The following TEC variants were observed in gnomAD, a reference collection of about 807,000 sequenced individuals.
The protein encoded by TEC is tyrosine-protein kinase Tec.
In TEC, 72 loss-of-function variants were observed where a neutral mutation model predicts 93.0. The ratio of observed to expected loss-of-function variants is 0.77; its 90% CI spans 0.64 to 0.94. The LOEUF is 0.94. Ranked by LOEUF, TEC falls within the 40% of genes least tolerant of loss-of-function variation. The pLI is 0.00. For synonymous variants in TEC, 249 were observed against 247.7 expected (o/e 1.01, Z -0.05); for missense variants, 630 against 757.9 (o/e 0.83, Z 1.98).
At chr4:48,242,182 C>T (rs565607853) in intron 1 of TEC, among the ~76,000 whole-genome samples, 7 of 152,282 alleles carry the variant, frequency 4.6e-5, no homozygotes, top group African/African-American at 1.7e-4. Flanking sequence ...GGACCCACAA[C>T]AAAATAAATT....
At chr4:48,229,966 T>A (rs575170146) in intron 1 of TEC, among the ~76,000 whole-genome samples, 2 of 151,538 alleles carry the variant, frequency 1.3e-5, no homozygotes, top group Non-Finnish European at 2.9e-5. Context: ...TCCCAGCTAC[T>A]CGGGAGGCTG....
At chr4:48,245,789 T>C (rs1724036836) in intron 1 of TEC, among the ~76,000 whole-genome samples, 3 of 152,106 alleles carry the variant, frequency 2.0e-5, no homozygotes, top group Non-Finnish European at 4.4e-5. Flanking sequence ...TCTGGCTACA[T>C]TAAAATAGCT....
rs748025059 is a variant in TEC at position 48,171,350 on chromosome 4, T to C, written c.325+18A>G. On this transcript the variant is annotated intron_variant, in intron 4 of 17. Coordinates refer to ENST00000381501, the MANE Select transcript of TEC (RefSeq NM_003215.3). ...TCTCCTAAAATTATATACAGAGTAATATTTCATTGAGTTTTACCTTCTTTT... is the reference window on the plus strand; with the variant it reads ...TCTCCTAAAATTATATACAGAGTAACATTTCATTGAGTTTTACCTTCTTTT... The C allele has an allele frequency of 1.3e-6, 2 of 1,598,328 alleles. No individual in the cohort carries two copies. The highest frequency in any genetic ancestry group is 2.2e-5 in the East Asian group (1 of 44,758).
chr4:48,264,344 A>T (rs967972768), intron 1 of TEC, among the ~76,000 whole-genome samples: 2 of 152,170 alleles, frequency 1.3e-5, no homozygotes, highest in African/African-American at 4.8e-5. Flanking sequence ...TCTCTACCCC[A>T]GCAAAAAACC....
intron 1 of TEC, among the ~76,000 whole-genome samples, chr4:48,258,473 CA>C (rs1442341346): frequency 6.6e-6 from 1 of 152,090 alleles, no homozygotes; most frequent in East Asian, 1.9e-4. Flanking sequence ...TGCCATTTTG[CA>C]TAGACTTGAG....
At chr4:48,214,106 C>T (rs1191214154) in intron 2 of TEC, among the ~76,000 whole-genome samples, 2 of 152,038 alleles carry the variant, frequency 1.3e-5, no homozygotes, top group African/African-American at 4.8e-5. Context: ...TTACTACCAA[C>T]AAAAACTTTT....
At chr4:48,207,843 T>G (rs533724396) in intron 2 of TEC, among the ~76,000 whole-genome samples, 234 of 152,276 alleles carry the variant, frequency 1.5e-3, no homozygotes, top group Non-Finnish European at 2.7e-3. Context: ...CACAAGCTCT[T>G]AACTCCTTTC....
intron 7 of TEC, among the ~76,000 whole-genome samples, chr4:48,166,087 T>G (rs1720862432): frequency 6.6e-6 from 1 of 152,220 alleles, no homozygotes; most frequent in South Asian, 2.1e-4. Flanking sequence ...TTGTGCTGGC[T>G]GGCCATGTGC....
At chr4:48,141,607 G>A (rs1317805376) in intron 14 of TEC, 188 bp from the exon 15 acceptor site, 1 of 519,576 alleles carries the variant, frequency 1.9e-6, no homozygotes, top group African/African-American at 2.0e-5. Context: ...AAAATGAATA[G>A]GCAGGTCAGA....
At chr4:48,236,469 AGAC>A (rs1723788334) in intron 1 of TEC, among the ~76,000 whole-genome samples, 1 of 152,116 alleles carries the variant, frequency 6.6e-6, no homozygotes, top group Non-Finnish European at 1.5e-5. Context: ...TTTTTAGTAG[AGAC>A]AGGGTTTCAC....
Position 48,176,187 on chromosome 4 carries a change from C to T in TEC, c.139-1G>A, listed in dbSNP as rs1411156119. The T allele has an allele frequency of 6.3e-7, 1 of 1,597,314 alleles. No homozygotes were observed. The highest frequency in any genetic ancestry group is 1.1e-5 in the South Asian group (1 of 90,482). On this transcript the variant is annotated splice_acceptor_variant, in intron 2 of 17. Transcript: ENST00000381501. LOFTEE classifies it high-confidence loss of function. ...CAATAAACCCCTTTCTGTATTTCTT[C>T]TGTTAAAAGAAAAAAAGGAGAAACA...
At chr4:48,258,270 T>C (rs901851692) in intron 1 of TEC, among the ~76,000 whole-genome samples, 1 of 151,716 alleles carries the variant, frequency 6.6e-6, no homozygotes, top group African/African-American at 2.4e-5. Flanking sequence ...GCCTCCCGAG[T>C]AGCTGGCATT....
chr4:48,233,300 C>T (rs1368066862), intron 1 of TEC, among the ~76,000 whole-genome samples: 3 of 151,374 alleles, frequency 2.0e-5, no homozygotes. Context: ...AGCCCACAGT[C>T]AGCAAGGCCC....
chr4:48,232,908 T>C (rs1723686929), intron 1 of TEC, among the ~76,000 whole-genome samples: 1 of 152,196 alleles, frequency 6.6e-6, no homozygotes, highest in Admixed American at 6.5e-5. Context: ...GAAGTTGTGA[T>C]GGAGAAGGAA....
intron 2 of TEC, among the ~76,000 whole-genome samples, chr4:48,183,110 G>A (rs1273840500): frequency 6.6e-6 from 1 of 152,146 alleles, no homozygotes; most frequent in Non-Finnish European, 1.5e-5. Context: ...CCTCAGAGAA[G>A]GAGCATGAGC....
At chr4:48,248,425 A>G (rs55702720) in intron 1 of TEC, among the ~76,000 whole-genome samples, 18,746 of 152,110 alleles carry the variant, frequency 0.12, 1,453 homozygotes, top group East Asian at 0.24. Context: ...CACCCAGTAC[A>G]CAGCACATTG....
At chr4:48,163,430 A>G (rs921569489) in intron 8 of TEC, among the ~76,000 whole-genome samples, 13 of 152,202 alleles carry the variant, frequency 8.5e-5, no homozygotes, top group Non-Finnish European at 1.8e-4. Flanking sequence ...AAAGTCAGCT[A>G]ATCTGTGATT....
chr4:48,219,093 A>G (rs1350140915), intron 2 of TEC, among the ~76,000 whole-genome samples: 5 of 152,242 alleles, frequency 3.3e-5, no homozygotes, highest in Non-Finnish European at 5.9e-5. Flanking sequence ...AGTCATTATT[A>G]TAAACATTAT....
chr4:48,234,727 T>C (rs1350680012), intron 1 of TEC, among the ~76,000 whole-genome samples: 1 of 151,972 alleles, frequency 6.6e-6, no homozygotes, highest in East Asian at 1.9e-4. Flanking sequence ...TATAAATACA[T>C]TGGGTGTGAG....
Sources: allele counts gnomAD v4.1 joint callset (sites outside exome capture counted in the v4.1 genomes callset), GRCh38; gene constraint gnomAD v4.1.1; transcripts MANE v1.5; gene names NCBI Gene and HGNC (gene_info 2026-07-23, HGNC 2026-07-21).